Variants in USP34 observed in about 807,000 individuals in gnomAD.
The protein encoded by USP34 is ubiquitin specific peptidase 34, also known as ubiquitin carboxyl-terminal hydrolase 34.
Under a neutral mutation model 460.3 loss-of-function variants are expected in USP34, and 70 were observed. The observed-to-expected ratio is 0.15, with a 90% CI of 0.13 to 0.19. The LOEUF (loss-of-function observed/expected upper bound fraction) is 0.19, where lower values mean the gene tolerates loss of function less well. Ranked by LOEUF, USP34 falls within the 10% of genes least tolerant of loss-of-function variation. The pLI, the probability that USP34 is intolerant of heterozygous loss-of-function variation, is 1.00. For synonymous variants in USP34, 1,647 were observed against 1,405.3 expected (o/e 1.17, Z -3.85); for missense variants, 3,985 against 4,236.2 (o/e 0.94, Z 1.65).
chr2:61,243,558 A>AT (rs377487628), intron 51 of USP34, among the ~76,000 whole-genome samples: 144 of 144,604 alleles, frequency 1.0e-3, no homozygotes, highest in Non-Finnish European at 1.5e-3. Context: ...TTCTTCCTTC[A>AT]TTTTTTTTTT....
rs774343278 is a variant in USP34 at position 61,405,882 on chromosome 2, T to C, written c.378A>G (p.Ser126=). The change falls in exon 3 of 80, where the codon TCA becomes TCG. Residue 126 remains serine, a synonymous_variant. Transcript: ENST00000398571. ...TERQKSIEKK[S]NSTRICNLTE... ...TCAGATTACAAATTCTTGTAGAGTTTGATTTTTTTTCTATTGATTTTTGTC... is the reference window on the plus strand; with the variant it reads ...TCAGATTACAAATTCTTGTAGAGTTCGATTTTTTTTCTATTGATTTTTGTC... 1.2e-6 allele frequency: 2 copies of C among 1,613,782 alleles called. No individual in the cohort carries two copies. Among genetic ancestry groups the C allele is most frequent in the South Asian group, 1.1e-5 (1 of 91,054 alleles).
intron 1 of USP34, among the ~76,000 whole-genome samples, chr2:61,441,802 C>CAAAAAAAAAAAAAAAAAAAAAA (rs70963429): frequency 3.1e-5 from 3 of 97,330 alleles, no homozygotes; most frequent in Admixed American, 1.1e-4. Context: ...GACTGCATTA[C>CAAAAAAAAAAAAAAAAAAAAAA]AAAAAAAAAA....
At chr2:61,334,695 T>G (rs1691365517) in intron 18 of USP34, among the ~76,000 whole-genome samples, 1 of 152,176 alleles carries the variant, frequency 6.6e-6, no homozygotes, top group Non-Finnish European at 1.5e-5. Context: ...AAGTATATGT[T>G]TGACGTTAGA....
intron 41 of USP34, chr2:61,277,760 T>G (rs1027160292): frequency 6.3e-6 from 1 of 159,026 alleles, no homozygotes; most frequent in African/African-American, 2.4e-5. Flanking sequence ...CATCTTGAAT[T>G]ATATTGCCTA....
At chr2:61,426,304 A>G (rs144878786) in intron 1 of USP34, among the ~76,000 whole-genome samples, 115 of 152,224 alleles carry the variant, frequency 7.6e-4, no homozygotes, top group African/African-American at 2.7e-3. Context: ...GGGTGTCCCT[A>G]ATTCTAAGAC....
intron 3 of USP34, among the ~76,000 whole-genome samples, chr2:61,402,578 T>C (rs1236739575): frequency 6.6e-6 from 1 of 152,200 alleles, no homozygotes; most frequent in Non-Finnish European, 1.5e-5. Context: ...TTCTATAAAA[T>C]AAAAGTGTTG....
At chr2:61,391,441 G>C (rs1453617777) in intron 5 of USP34, among the ~76,000 whole-genome samples, 1 of 152,116 alleles carries the variant, frequency 6.6e-6, no homozygotes, top group Non-Finnish European at 1.5e-5. Flanking sequence ...TAGTATAATA[G>C]AGAAAAAGAA....
At chr2:61,218,575 C>CA (rs1553351756) in intron 67 of USP34, among the ~76,000 whole-genome samples, 1 of 151,230 alleles carries the variant, frequency 6.6e-6, no homozygotes, top group Non-Finnish European at 1.5e-5. Flanking sequence ...CCCTAATGTC[C>CA]TTTTTTTTCC....
At chr2:61,400,597 C>G (rs541724187) in intron 3 of USP34, among the ~76,000 whole-genome samples, 1 of 152,210 alleles carries the variant, frequency 6.6e-6, no homozygotes, top group African/African-American at 2.4e-5. Flanking sequence ...ATCTTATAAT[C>G]CCAGTACTTT....
intron 3 of USP34, among the ~76,000 whole-genome samples, chr2:61,403,910 G>A (rs1006543456): frequency 4.2e-5 from 6 of 142,954 alleles, no homozygotes; most frequent in Non-Finnish European, 6.0e-5. Context: ...GGAGAATGAC[G>A]TGAACCCGGG....
chr2:61,264,751 T>A (rs1271232236), intron 43 of USP34, among the ~76,000 whole-genome samples: 2 of 152,114 alleles, frequency 1.3e-5, no homozygotes, highest in African/African-American at 4.8e-5. Flanking sequence ...TGGCCGGGCA[T>A]GGTGGCTCAC....
At chr2:61,306,699 A>T (rs1394275685) in intron 27 of USP34, among the ~76,000 whole-genome samples, 1 of 152,216 alleles carries the variant, frequency 6.6e-6, no homozygotes, top group Non-Finnish European at 1.5e-5. Flanking sequence ...ATGCAGCCAA[A>T]AGACACATGA....
intron 16 of USP34, among the ~76,000 whole-genome samples, chr2:61,341,321 A>T (rs1307223203): frequency 6.6e-6 from 1 of 152,230 alleles, no homozygotes; most frequent in African/African-American, 2.4e-5. Context: ...TAAGGCAAAA[A>T]AACTGCTGGG....
intron 2 of USP34, among the ~76,000 whole-genome samples, chr2:61,408,557 G>A (rs1431457267): frequency 6.6e-6 from 1 of 152,026 alleles, no homozygotes; most frequent in African/African-American, 2.4e-5. Context: ...CAATTCTTCT[G>A]ATTAACAGCT....
chr2:61,431,887 G>A (rs974007276), intron 1 of USP34, among the ~76,000 whole-genome samples: 1 of 151,920 alleles, frequency 6.6e-6, no homozygotes, highest in African/African-American at 2.4e-5. Context: ...TAAATAAATA[G>A]CAGAGAGGAT....
At position 61,280,179 on chromosome 2, in the gene USP34, A is replaced by AT. The variant is rs923277921; in HGVS notation, c.5256+64dup. 13 of 944,354 alleles carry AT rather than the reference A, an allele frequency of 1.4e-5. No homozygotes were observed. In the African/African-American group the frequency reaches 1.9e-4, roughly 14 times the overall value. 58.5% of individuals were successfully genotyped at this position (944,354 alleles called of 1,614,324 possible). On this transcript the variant is annotated intron_variant, in intron 39 of 79. Coordinates refer to ENST00000398571, the MANE Select transcript of USP34 (RefSeq NM_014709.4). ...CTTAATAACCAATAAAGTCATGAAC[A>AT]TATGTCATAATTCATATTAACAAGA...
intron 33 of USP34, among the ~76,000 whole-genome samples, chr2:61,290,306 T>C (rs1689811978): frequency 6.6e-6 from 1 of 152,156 alleles, no homozygotes; most frequent in South Asian, 2.1e-4. Context: ...AATCTTACAC[T>C]TACCATATTA....
chr2:61,317,950 G>C (rs192151873), intron 22 of USP34, among the ~76,000 whole-genome samples, 183 bp from the exon 23 acceptor site: 1 of 152,112 alleles, frequency 6.6e-6, no homozygotes. Flanking sequence ...TCAGTACTTT[G>C]GAAAGCCAAG....
chr2:61,277,421 G>C (rs950701982), intron 41 of USP34, among the ~76,000 whole-genome samples: 1 of 151,946 alleles, frequency 6.6e-6, no homozygotes, highest in Non-Finnish European at 1.5e-5. Flanking sequence ...ATTTTCTGTA[G>C]GGATGAGGTT....
Sources: allele counts gnomAD v4.1 joint callset (sites outside exome capture counted in the v4.1 genomes callset), GRCh38; gene constraint gnomAD v4.1.1; transcripts MANE v1.5; gene names NCBI Gene and HGNC (gene_info 2026-07-23, HGNC 2026-07-21).